The following BPIFB4 variants were observed in gnomAD, a reference collection of about 807,000 sequenced individuals.
BPIFB4 encodes the protein BPI fold containing family B member 4, also known as BPI fold-containing family B member 4.
BPIFB4 carries 62 observed loss-of-function variants against 69.2 expected under a neutral mutation model. That is an observed-to-expected ratio of 0.90 (90% CI 0.73 to 1.11). BPIFB4 has a LOEUF of 1.11. Ranked by LOEUF, BPIFB4 falls within the 50% of genes least tolerant of loss-of-function variation. The probability of loss-of-function intolerance (pLI) is 0.00; values close to 1 mark genes in which losing one functional copy is unlikely to be tolerated. For missense variants in BPIFB4, 789 were observed against 792.0 expected, an observed-to-expected ratio of 1.00 and a Z score of 0.04; for synonymous variants, 330 against 332.7, an observed-to-expected ratio of 0.99 and a Z score of 0.09.
rs1981998290 is a variant in BPIFB4 at position 33,104,794 on chromosome 20, CCTT to C, written c.1681-11_1681-9del. On this transcript the variant is annotated splice_polypyrimidine_tract_variant and intron_variant, in intron 15 of 17. Transcript: ENST00000375483. ...AAACCCCCTGCCCAGGCTCTGTCCT[CCTT>C]CTTCCTCTGCAGATTGGCCTCATGG... The C allele has an allele frequency of 1.2e-6, 2 of 1,613,828 alleles. No homozygotes were observed. The highest frequency in any genetic ancestry group is 2.2e-5 in the East Asian group (1 of 44,868).
intron 17 of BPIFB4, among the ~76,000 whole-genome samples, chr20:33,109,293 C>T (rs1397784980): frequency 1.6e-5 from 2 of 125,164 alleles, no homozygotes; most frequent in East Asian, 2.0e-4. Flanking sequence ...GGTTTATCTT[C>T]ATCATCATCA....
intron 15 of BPIFB4, among the ~76,000 whole-genome samples, chr20:33,103,246 C>T (rs545876032): frequency 5.9e-5 from 9 of 152,308 alleles, no homozygotes; most frequent in Admixed American, 3.9e-4. Flanking sequence ...TACTCTGCCT[C>T]GGGTGCTGTC....
At chr20:33,096,806 C>A (rs546772172) in intron 12 of BPIFB4, among the ~76,000 whole-genome samples, 5 of 152,144 alleles carry the variant, frequency 3.3e-5, no homozygotes, top group African/African-American at 4.8e-5. Flanking sequence ...CACGGAGTCA[C>A]CAGGGGAGGG....
chr20:33,100,649 G>A (rs1435682244), intron 14 of BPIFB4, among the ~76,000 whole-genome samples, 156 bp downstream of exon 14: 2 of 152,216 alleles, frequency 1.3e-5, no homozygotes, highest in Non-Finnish European at 2.9e-5. Context: ...CATTACCACT[G>A]TCACAAGCCA....
chr20:33,088,977 A>G lies in BPIFB4; in HGVS notation c.938A>G (p.Asn313Ser), dbSNP rs543633125. 2.7e-5 allele frequency: 43 copies of G among 1,613,746 alleles called. No homozygotes were observed. Among genetic ancestry groups the G allele is most frequent in the African/African-American group, 1.1e-4 (8 of 75,002 alleles). Residue 313 changes from asparagine to serine, a missense_variant, in exon 8 of 18, where the codon AAT becomes AGT. Asn to Ser is a conservative substitution (Grantham distance 46). This residue lies in a region of BPIFB4 where 611 missense variants were observed against 575.4 expected (regional missense o/e 1.06). Transcript: ENST00000375483. Reference sequence around the variant, plus strand: ...TCCTGTCTCCTTAGGCTTCTCCCCAATCTCGTGGACAATTTAGTGAACCGA... The same window carrying G: ...TCCTGTCTCCTTAGGCTTCTCCCCAGTCTCGTGGACAATTTAGTGAACCGA... ...KVKLLRGLLP[N>S]LVDNLVNRVL...
chr20:33,088,905 C>A (rs966380692), intron 7 of BPIFB4, 61 bp from the exon 8 acceptor site: 2 of 1,609,416 alleles, frequency 1.2e-6, no homozygotes, highest in Admixed American at 1.7e-5. Context: ...ACAGGGTGGA[C>A]AGCCTTGGTG....
chr20:33,089,911 C>T (rs1042178741), intron 9 of BPIFB4, among the ~76,000 whole-genome samples: 1 of 152,200 alleles, frequency 6.6e-6, no homozygotes, highest in African/African-American at 2.4e-5. Flanking sequence ...GAGACTCTTC[C>T]CAGTTTTCTC....
In BPIFB4 at chr20:33,089,572, A is replaced by G; in HGVS notation, c.1051+14A>G. The G allele has an allele frequency of 6.2e-7, 1 of 1,614,078 alleles. No individual in the cohort carries two copies. Among genetic ancestry groups the G allele is most frequent in the Non-Finnish European group, 8.5e-7 (1 of 1,180,000 alleles). ...GCCTCGTGGATTGTAAGTCCAATAC[A>G]CTTTCTCCAGCCTGGGGAAGGCACT... On this transcript the variant is annotated intron_variant, in intron 9 of 17. Coordinates refer to ENST00000375483, the MANE Select transcript of BPIFB4 (RefSeq NM_182519.3).
At chr20:33,097,914 G>C in intron 13 of BPIFB4, 127 bp downstream of exon 13, 2 of 1,069,358 alleles carry the variant, frequency 1.9e-6, no homozygotes, top group Non-Finnish European at 2.6e-6. Context: ...CCCAACTTTG[G>C]GGCCAGAGGC....
At chr20:33,081,682 G>T in intron 3 of BPIFB4, 50 bp downstream of exon 3, 1 of 1,544,034 alleles carries the variant, frequency 6.5e-7, no homozygotes, top group East Asian at 2.5e-5. Context: ...GAGCAGGGCA[G>T]CTCTGCCAAC....
intron 12 of BPIFB4, among the ~76,000 whole-genome samples, chr20:33,095,518 G>T (rs115037405): frequency 1.8e-4 from 28 of 152,276 alleles, no homozygotes; most frequent in African/African-American, 6.7e-4. Context: ...GGTTATCATA[G>T]GAAGGTAAAT....
At chr20:33,088,124 C>G (rs1981487710) in intron 7 of BPIFB4, among the ~76,000 whole-genome samples, 3 of 152,118 alleles carry the variant, frequency 2.0e-5, no homozygotes. Flanking sequence ...AAAAATCTGT[C>G]TGCCCATCTA....
chr20:33,108,311 A>G (rs986345939), intron 17 of BPIFB4, among the ~76,000 whole-genome samples: 13 of 151,994 alleles, frequency 8.6e-5, no homozygotes, highest in Middle Eastern at 3.4e-3. Context: ...GGTGCTTTGA[A>G]GTTCACATGC....
intron 17 of BPIFB4, among the ~76,000 whole-genome samples, chr20:33,109,316 C>G (rs982390020): frequency 5.9e-5 from 9 of 152,140 alleles, no homozygotes; most frequent in Non-Finnish European, 8.8e-5. Context: ...ATCATCATCT[C>G]TACTATTTAC....
chr20:33,094,463 T>C (rs983565235), intron 11 of BPIFB4, among the ~76,000 whole-genome samples: 1 of 152,152 alleles, frequency 6.6e-6, no homozygotes, highest in Non-Finnish European at 1.5e-5. Context: ...GCTGGTCTCC[T>C]TGTTTTAATA....
Position 33,089,559 on chromosome 20 carries a change from G to T in BPIFB4, c.1051+1G>T. On this transcript the variant is annotated splice_donor_variant, in intron 9 of 17. Transcript: ENST00000375483. LOFTEE classifies it high-confidence loss of function. ...AATGACCAGCTGGGCCTCGTGGATT[G>T]TAAGTCCAATACACTTTCTCCAGCC... 2 of 1,614,236 alleles carry T rather than the reference G, an allele frequency of 1.2e-6. No individual in the cohort carries two copies. The highest frequency in any genetic ancestry group is 1.3e-5 in the African/African-American group (1 of 75,058).
chr20:33,109,353 T>C (rs1982171111), intron 17 of BPIFB4, among the ~76,000 whole-genome samples: 1 of 152,198 alleles, frequency 6.6e-6, no homozygotes, highest in Non-Finnish European at 1.5e-5. Context: ...CCATACATAG[T>C]CTTTCATGGA....
In BPIFB4 at chr20:33,092,461, C is replaced by G. The variant is rs753085448; in HGVS notation, c.1147C>G (p.Leu383Val). The change falls in exon 11 of 18, where the codon CTG (leucine) becomes GTG (valine). Residue 383 changes from leucine to valine, a missense_variant. This residue lies in a region of BPIFB4 where 611 missense variants were observed against 575.4 expected (regional missense o/e 1.06). Coordinates refer to ENST00000375483, the MANE Select transcript of BPIFB4 (RefSeq NM_182519.3). ...GEFLELDLNT[L>V]VGEAGGGLID... ...CCTTTCTTCTCTTCTCCCCCAGACG[C>G]TGGTTGGGGAGGCTGGAGGAGGACT... 22 of 1,612,590 alleles carry G rather than the reference C, an allele frequency of 1.4e-5. No individual in the cohort carries two copies. The highest frequency in any genetic ancestry group is 1.6e-5 in the Non-Finnish European group (19 of 1,178,970).
chr20:33,090,621 C>G, intron 9 of BPIFB4, 87 bp from the exon 10 acceptor site: 2 of 1,577,720 alleles, frequency 1.3e-6, no homozygotes, highest in Non-Finnish European at 1.7e-6. Flanking sequence ...CTGGGCCTAC[C>G]TTGTCCATCC....
Sources: gnomAD v4.1 joint callset for allele counts (sites outside exome capture counted in the v4.1 genomes callset) on GRCh38, gnomAD v4.1.1 for gene constraint, gnomAD v4.1.1 regional missense constraint, MANE v1.5 for transcripts, NCBI Gene and HGNC (gene_info 2026-07-23, HGNC 2026-07-21) for gene names.